The following PAPPA variants were observed in gnomAD, a reference collection of about 807,000 sequenced individuals.
PAPPA encodes the protein pappalysin-1.
A neutral mutation model predicts 164.0 loss-of-function variants in PAPPA; 60 were observed. That is an observed-to-expected ratio of 0.37 (90% confidence interval 0.30 to 0.45). The LOEUF (loss-of-function observed/expected upper bound fraction) is 0.45, where lower values mean the gene tolerates loss of function less well. PAPPA is among the 20% of genes least tolerant of loss of function. The pLI is 1.00. For synonymous variants in PAPPA, 875 were observed against 814.1 expected, an observed-to-expected ratio of 1.07 and a Z score of -1.27; for missense variants, 1,782 against 2,087.3, an observed-to-expected ratio of 0.85 and a Z score of 2.85.
chr9:116,370,133 C>A (rs1214991239), intron 19 of PAPPA, among the ~76,000 whole-genome samples: 1 of 152,120 alleles, frequency 6.6e-6, no homozygotes, highest in Non-Finnish European at 1.5e-5. Flanking sequence ...GGGGGTGAGG[C>A]TCTGCTCCAG....
intron 17 of PAPPA, among the ~76,000 whole-genome samples, chr9:116,355,658 C>A (rs1846344160): frequency 6.6e-6 from 1 of 152,232 alleles, no homozygotes; most frequent in Non-Finnish European, 1.5e-5. Context: ...AAATAATATT[C>A]TGGCTGCGGT....
chr9:116,367,895 G>A, intron 19 of PAPPA, 141 bp downstream of exon 19: 5 of 664,416 alleles, frequency 7.5e-6, no homozygotes, highest in Non-Finnish European at 1.4e-5. Flanking sequence ...CTGTGGGTGT[G>A]TGTTGCAGGG....
intron 4 of PAPPA, among the ~76,000 whole-genome samples, chr9:116,216,383 T>C (rs1416582684): frequency 6.6e-6 from 1 of 152,206 alleles, no homozygotes; most frequent in Non-Finnish European, 1.5e-5. Context: ...CAGCCACAGA[T>C]GGACATTTGT....
rs1374603948 is a variant in PAPPA at position 116,188,216 on chromosome 9, G to A, written c.1478G>A (p.Arg493Lys). The change falls in exon 2 of 22, where the codon AGA becomes AAA. Residue 493 changes from arginine to lysine, a missense_variant and splice_region_variant. Physicochemically the swap from Arg to Lys is conservative, Grantham distance 26 (BLOSUM62 2). Coordinates refer to ENST00000328252, the MANE Select transcript of PAPPA (RefSeq NM_002581.5). ...QTCFDPDSPH[R>K]AYLDVNELKN... ...TGCTTTGACCCCGACTCTCCACACA[G>A]GTAAGACCTTACTGGGCTAAAGATG... 1 of 1,599,948 alleles carries A rather than the reference G, an allele frequency of 6.3e-7. No individual in the cohort carries two copies. The highest frequency in any genetic ancestry group is 2.2e-5 in the East Asian group (1 of 44,500).
At position 116,188,223 on chromosome 9, in the gene PAPPA, C is replaced by A. The variant is rs1448855451; in HGVS notation, c.1478+7C>A. ...ACCCCGACTCTCCACACAGGTAAGACCTTACTGGGCTAAAGATGCCCAGTT... is the reference window on the plus strand; with the variant it reads ...ACCCCGACTCTCCACACAGGTAAGAACTTACTGGGCTAAAGATGCCCAGTT... On this transcript the variant is annotated splice_region_variant and intron_variant, in intron 2 of 21. Transcript: ENST00000328252. 1.3e-6 allele frequency: 2 copies of A among 1,590,250 alleles called. No individual in the cohort carries two copies. The highest frequency in any genetic ancestry group is 1.7e-5 in the Admixed American group (1 of 59,410).
At chr9:116,158,810 C>T (rs73525810) in intron 1 of PAPPA, among the ~76,000 whole-genome samples, 4,579 of 152,194 alleles carry the variant, frequency 0.03, 242 homozygotes, top group African/African-American at 0.1. Context: ...TGTGTATCGT[C>T]GCCTGTACTT....
chr9:116,189,218 A>T (rs1253286563), intron 2 of PAPPA, among the ~76,000 whole-genome samples: 1 of 152,248 alleles, frequency 6.6e-6, no homozygotes, highest in Admixed American at 6.5e-5. Context: ...TGAGGACTAT[A>T]GGAAATAAGG....
chr9:116,266,719 C>A (rs1255131154), intron 8 of PAPPA, among the ~76,000 whole-genome samples: 3 of 152,158 alleles, frequency 2.0e-5, no homozygotes, highest in East Asian at 3.9e-4. Flanking sequence ...TTGTTTAAAA[C>A]TCAATAAATA....
intron 4 of PAPPA, among the ~76,000 whole-genome samples, chr9:116,217,658 C>A (rs944564949): frequency 6.6e-6 from 1 of 152,090 alleles, no homozygotes; most frequent in East Asian, 1.9e-4. Flanking sequence ...AGCATACACA[C>A]ACACACCACA....
intron 2 of PAPPA, among the ~76,000 whole-genome samples, chr9:116,189,950 C>T (rs1284217791): frequency 6.6e-6 from 1 of 152,208 alleles, no homozygotes; most frequent in Non-Finnish European, 1.5e-5. Context: ...AGGAGGGCCC[C>T]TGGACTCTCA....
chr9:116,393,794 A>G (rs374048100), intron 21 of PAPPA, among the ~76,000 whole-genome samples: 1 of 152,304 alleles, frequency 6.6e-6, no homozygotes, highest in Admixed American at 6.5e-5. Context: ...ACACAAAAGT[A>G]GGAAAACAGA....
At position 116,187,513 on chromosome 9, in the gene PAPPA, T is replaced by A; in HGVS notation, c.775T>A (p.Trp259Arg). The change falls in exon 2 of 22, where the codon TGG (tryptophan) becomes AGG (arginine). Residue 259 changes from tryptophan to arginine, a missense_variant. Coordinates refer to ENST00000328252, the MANE Select transcript of PAPPA (RefSeq NM_002581.5). The surrounding 1 kb of genome is among the most constrained non-coding windows in gnomAD (Gnocchi z 4.2). Reference sequence around the variant, plus strand: ...GGGCTACATCGAGCACTTCAGTCTGTGGAAGGTGGCCAGGACTCAGCGGGA... The same window carrying A: ...GGGCTACATCGAGCACTTCAGTCTGAGGAAGGTGGCCAGGACTCAGCGGGA... The part of the protein sequence containing the change: ...YRGYIEHFSL[W>R]KVARTQREIL... 1 of 1,614,118 alleles carries A rather than the reference T, an allele frequency of 6.2e-7. No individual in the cohort carries two copies. The highest frequency in any genetic ancestry group is 1.1e-5 in the South Asian group (1 of 91,084).
At chr9:116,274,627 G>C (rs760688622) in intron 9 of PAPPA, among the ~76,000 whole-genome samples, 18 of 152,128 alleles carry the variant, frequency 1.2e-4, no homozygotes, top group Non-Finnish European at 2.1e-4. Flanking sequence ...TTCTCATGTA[G>C]AAAATGGTAA....
At chr9:116,156,303 CAT>C (rs1352779862) in intron 1 of PAPPA, among the ~76,000 whole-genome samples, 1 of 112,858 alleles carries the variant, frequency 8.9e-6, no homozygotes, top group African/African-American at 4.1e-5. Flanking sequence ...TATATATATA[CAT>C]GTATATATAT....
chr9:116,289,808 G>T (rs1353119480), intron 9 of PAPPA, among the ~76,000 whole-genome samples: 2 of 152,176 alleles, frequency 1.3e-5, no homozygotes, highest in East Asian at 1.9e-4. Context: ...GTTTTAGAGA[G>T]AATACAATTA....
chr9:116,373,906 T>G (rs1302292251), intron 19 of PAPPA, among the ~76,000 whole-genome samples: 3 of 152,124 alleles, frequency 2.0e-5, no homozygotes. Context: ...TCAAAAATAG[T>G]ACCTATCTCA....
chr9:116,277,216 A>G (rs1344127966), intron 9 of PAPPA, among the ~76,000 whole-genome samples: 1 of 152,150 alleles, frequency 6.6e-6, no homozygotes, highest in Non-Finnish European at 1.5e-5. Flanking sequence ...ACTTCTCCAG[A>G]CTGCATGTAT....
chr9:116,232,457 A>G (rs1844610452), intron 6 of PAPPA, among the ~76,000 whole-genome samples: 1 of 152,194 alleles, frequency 6.6e-6, no homozygotes, highest in African/African-American at 2.4e-5. Context: ...TATAACTGAT[A>G]TTTTAACCCA....
intron 7 of PAPPA, among the ~76,000 whole-genome samples, chr9:116,244,961 A>G (rs1044602112): frequency 1.3e-5 from 2 of 152,200 alleles, no homozygotes; most frequent in African/African-American, 2.4e-5. Flanking sequence ...TATGTACACA[A>G]TGGAATGTTA....
Sources: gnomAD v4.1 joint callset for allele counts (sites outside exome capture counted in the v4.1 genomes callset) on GRCh38, gnomAD v4.1.1 for gene constraint, Gnocchi (gnomAD v3.1) non-coding constraint, MANE v1.5 for transcripts, NCBI Gene and HGNC (gene_info 2026-07-23, HGNC 2026-07-21) for gene names.